Variants in FOXP1 observed in about 807,000 individuals in gnomAD.
FOXP1 encodes the protein forkhead box protein P1.
In FOXP1, 15 loss-of-function variants were observed where a neutral mutation model predicts 98.2. The observed-to-expected ratio is 0.15, with a 90% CI of 0.10 to 0.24. FOXP1 has a LOEUF of 0.24. FOXP1 is among the 10% of genes least tolerant of loss of function. FOXP1 has a pLI of 1.00. For synonymous variants in FOXP1, 371 were observed against 314.5 expected (o/e 1.18, Z -1.90); for missense variants, 633 against 848.5 (o/e 0.75, Z 3.15).
chr3:71,448,422 CTG>C (rs2086648962), intron 3 of FOXP1, among the ~76,000 whole-genome samples: 1 of 152,160 alleles, frequency 6.6e-6, no homozygotes, highest in African/African-American at 2.4e-5. Context: ...AAAAGACAAA[CTG>C]TACCTATAAT....
chr3:71,374,192 C>G (rs2079544256), intron 3 of FOXP1, among the ~76,000 whole-genome samples: 1 of 152,176 alleles, frequency 6.6e-6, no homozygotes, highest in Admixed American at 6.5e-5. Flanking sequence ...TCCATAAAGG[C>G]TATATAATGG....
At chr3:71,231,459 TTCTAA>T (rs2066281180) in intron 5 of FOXP1, among the ~76,000 whole-genome samples, 1 of 152,176 alleles carries the variant, frequency 6.6e-6, no homozygotes, top group Non-Finnish European at 1.5e-5. Context: ...AGGAGAGATT[TTCTAA>T]TCTTTCAAGA....
intron 4 of FOXP1, among the ~76,000 whole-genome samples, chr3:71,305,326 C>T (rs562544658): frequency 1.3e-5 from 2 of 152,190 alleles, no homozygotes; most frequent in Non-Finnish European, 2.9e-5. Flanking sequence ...AAGAGGCTGT[C>T]ATTTTCCCCC....
chr3:71,400,418 G>A (rs1291409355), intron 3 of FOXP1, among the ~76,000 whole-genome samples: 1 of 151,996 alleles, frequency 6.6e-6, no homozygotes, highest in Non-Finnish European at 1.5e-5. Context: ...GTGCAGTGGT[G>A]CAATCTCGGC....
At chr3:71,541,965 G>A (rs375145183) in intron 2 of FOXP1, 4 of 532,744 alleles carry the variant, frequency 7.5e-6, no homozygotes, top group Admixed American at 2.0e-5. Flanking sequence ...CACGCCGCGC[G>A]AGACAGATTT....
intron 4 of FOXP1, among the ~76,000 whole-genome samples, chr3:71,315,059 T>A (rs1277372808): frequency 6.0e-5 from 6 of 99,522 alleles, no homozygotes; most frequent in African/African-American, 2.5e-4. Context: ...TTCAGTGAAC[T>A]AATCCACACC....
intron 3 of FOXP1, among the ~76,000 whole-genome samples, chr3:71,408,455 A>G (rs999638282): frequency 6.6e-6 from 1 of 152,208 alleles, no homozygotes; most frequent in African/African-American, 2.4e-5. Flanking sequence ...AGGTTTTTAA[A>G]TATACATTGT....
chr3:71,271,616 C>T (rs191634153), intron 5 of FOXP1, among the ~76,000 whole-genome samples: 1 of 152,156 alleles, frequency 6.6e-6, no homozygotes, highest in Non-Finnish European at 1.5e-5. Context: ...AAGAACCACA[C>T]GGGTAATAGC....
At chr3:71,318,193 G>A (rs562958519) in intron 4 of FOXP1, among the ~76,000 whole-genome samples, 18 of 133,140 alleles carry the variant, frequency 1.4e-4, no homozygotes, top group African/African-American at 4.9e-4. Context: ...CTTTAAAATC[G>A]CCAGACTCAG....
At chr3:71,093,645 C>T (rs563001527) in intron 7 of FOXP1, among the ~76,000 whole-genome samples, 4 of 151,474 alleles carry the variant, frequency 2.6e-5, no homozygotes, top group East Asian at 4.0e-4. Context: ...TAAGCAGGAT[C>T]GGTACACTAC....
chr3:71,188,179 G>A (rs770346521), intron 6 of FOXP1, among the ~76,000 whole-genome samples: 8 of 152,054 alleles, frequency 5.3e-5, no homozygotes, highest in Non-Finnish European at 1.2e-4. Context: ...CCCTCTACTA[G>A]GAAGAGGTAT....
intron 6 of FOXP1, among the ~76,000 whole-genome samples, chr3:71,156,738 T>C (rs1238306982): frequency 6.6e-6 from 1 of 152,140 alleles, no homozygotes; most frequent in East Asian, 1.9e-4. Context: ...CAAAGGCTAG[T>C]TGGACATCTA....
chr3:71,208,133 C>G (rs965269041), intron 5 of FOXP1, among the ~76,000 whole-genome samples: 2 of 152,176 alleles, frequency 1.3e-5, no homozygotes, highest in African/African-American at 4.8e-5. Flanking sequence ...ATGCATCCAA[C>G]AGGATCATAT....
intron 6 of FOXP1, among the ~76,000 whole-genome samples, chr3:71,154,482 A>T (rs943524897): frequency 1.3e-5 from 2 of 152,232 alleles, no homozygotes; most frequent in African/African-American, 2.4e-5. Context: ...AGTATCTCAC[A>T]TATACACTGT....
At chr3:71,267,996 C>T (rs1460420173) in intron 5 of FOXP1, among the ~76,000 whole-genome samples, 1 of 127,580 alleles carries the variant, frequency 7.8e-6, no homozygotes, top group Admixed American at 8.7e-5. Flanking sequence ...CTAGCCTGGG[C>T]GACAAAGCGA....
Position 71,118,378 on chromosome 3 carries a change from T to C in FOXP1, c.181-5741A>G, listed in dbSNP as rs567258198. Among the ~76,000 whole-genome samples the C allele has an allele frequency of 1.1e-3, 164 of 152,326 alleles. 3 individuals are homozygous for C. Among genetic ancestry groups the C allele is most frequent in the African/African-American group, 3.8e-3 (157 of 41,574 alleles). ...GATCATAGCAGGTGCTTATAGGGGC[T>C]AGGTAATTCTATGTTTAGCATGTTT... On this transcript the variant is annotated intron_variant, in intron 6 of 20. Transcript: ENST00000649528.
At chr3:71,028,214 A>C (rs1160037316) in intron 11 of FOXP1, among the ~76,000 whole-genome samples, 1 of 152,180 alleles carries the variant, frequency 6.6e-6, no homozygotes, top group African/African-American at 2.4e-5. Flanking sequence ...TTTCTCTCTG[A>C]AATGTTGAGT....
chr3:71,153,936 G>T (rs964873080), intron 6 of FOXP1, among the ~76,000 whole-genome samples: 2 of 151,890 alleles, frequency 1.3e-5, no homozygotes, highest in Non-Finnish European at 2.9e-5. Context: ...CATATGACAC[G>T]TAGCATACTA....
intron 5 of FOXP1, among the ~76,000 whole-genome samples, chr3:71,264,659 G>A (rs2069468570): frequency 6.6e-6 from 1 of 152,134 alleles, no homozygotes; most frequent in South Asian, 2.1e-4. Context: ...CAGCATCCTT[G>A]TCATCTGTCT....
Sources: gnomAD v4.1 joint callset for allele counts (sites outside exome capture counted in the v4.1 genomes callset) on GRCh38, gnomAD v4.1.1 for gene constraint, MANE v1.5 for transcripts, NCBI Gene and HGNC (gene_info 2026-07-23, HGNC 2026-07-21) for gene names.